Variants in LAMA3 observed in about 807,000 individuals in gnomAD.
LAMA3 encodes laminin subunit alpha 3.
In LAMA3, 281 loss-of-function variants were observed where a neutral mutation model predicts 402.0. The observed-to-expected ratio is 0.70, with a 90% CI of 0.63 to 0.77. The LOEUF (loss-of-function observed/expected upper bound fraction) is 0.77. Among genes scored for constraint, LAMA3 ranks in the 30% least tolerant of loss-of-function variants. LAMA3 has a pLI of 0.00. For missense variants in LAMA3, 3,840 were observed against 4,215.5 expected, an observed-to-expected ratio of 0.91 and a Z score of 2.47; for synonymous variants, 1,431 against 1,558.4, an observed-to-expected ratio of 0.92 and a Z score of 1.93.
At chr18:23,690,430 G>A (rs2060561462) in intron 1 of LAMA3, among the ~76,000 whole-genome samples, 1 of 152,198 alleles carries the variant, frequency 6.6e-6, no homozygotes, top group Non-Finnish European at 1.5e-5. Flanking sequence ...GAATTTTTAG[G>A]TTATAACAGC....
chr18:23,725,635 G>A (rs1211601996), intron 2 of LAMA3, among the ~76,000 whole-genome samples: 2 of 152,158 alleles, frequency 1.3e-5, no homozygotes, highest in South Asian at 2.1e-4. Context: ...GTCCCCAGGC[G>A]GCCTCAGGGC....
At chr18:23,943,156 A>G (rs1384760230) in intron 68 of LAMA3, among the ~76,000 whole-genome samples, 1 of 152,238 alleles carries the variant, frequency 6.6e-6, no homozygotes, top group Non-Finnish European at 1.5e-5. Flanking sequence ...GAGTTTGAAA[A>G]GTACAGGCTT....
rs571262786 is a variant in LAMA3 at position 23,866,158 on chromosome 18, C to T, written c.4683+1275C>T. ...TATGTGCCTGGCACACAATCCAGTG[C>T]GGCAGTCTAGAAAATTCCTTGAGGG... On this transcript the variant is annotated intron_variant, in intron 36 of 74. Transcript: ENST00000313654. Among the ~76,000 whole-genome samples, 16 of 152,290 alleles carry T rather than the reference C, an allele frequency of 1.1e-4. No individual in the cohort carries two copies. The South Asian group carries it at 2.1e-3, about 20-fold the overall frequency.
intron 38 of LAMA3, among the ~76,000 whole-genome samples, chr18:23,872,486 ACGTAGG>A (rs1207713411): frequency 2.6e-5 from 4 of 152,214 alleles, no homozygotes; most frequent in Non-Finnish European, 5.9e-5. Flanking sequence ...ATCCATAAGT[ACGTAGG>A]CTTAGCAAAA....
chr18:23,837,576 T>TATATATATATATATATATATAA (rs2063611468), intron 25 of LAMA3, among the ~76,000 whole-genome samples: 1 of 140,234 alleles, frequency 7.1e-6, no homozygotes. Context: ...ATCAGATATA[T>TATATATATATATATATATATAA]ATATATATAT....
At chr18:23,809,157 A>G (rs2063020151) in intron 12 of LAMA3, among the ~76,000 whole-genome samples, 1 of 152,232 alleles carries the variant, frequency 6.6e-6, no homozygotes, top group Non-Finnish European at 1.5e-5. Context: ...TGTGCGAAGC[A>G]TCGTGCTCAA....
chr18:23,945,049 C>T (rs2082659315), intron 69 of LAMA3, among the ~76,000 whole-genome samples: 3 of 152,178 alleles, frequency 2.0e-5, no homozygotes, highest in Admixed American at 2.0e-4. Context: ...AGGAGAATCG[C>T]TTGAACTCAG....
intron 41 of LAMA3, among the ~76,000 whole-genome samples, chr18:23,887,307 G>A (rs1233958763): frequency 6.6e-6 from 1 of 152,178 alleles, no homozygotes; most frequent in Admixed American, 6.5e-5. Context: ...AGGGAAGGAT[G>A]TGGGGAGTGG....
intron 48 of LAMA3, 73 bp downstream of exon 48, chr18:23,901,396 A>AAG: frequency 2.3e-6 from 3 of 1,304,274 alleles, no homozygotes; most frequent in South Asian, 1.2e-5. Flanking sequence ...ATTATTAATA[A>AAG]AGTGGCATAG....
chr18:23,818,436 G>T (rs1303755059), intron 18 of LAMA3, among the ~76,000 whole-genome samples: 2 of 152,172 alleles, frequency 1.3e-5, no homozygotes, highest in Non-Finnish European at 2.9e-5. Context: ...TGAAATAAAG[G>T]CTAGCAAACC....
intron 37 of LAMA3, among the ~76,000 whole-genome samples, chr18:23,870,534 A>G (rs889723556): frequency 6.6e-6 from 1 of 152,244 alleles, no homozygotes; most frequent in Non-Finnish European, 1.5e-5. Flanking sequence ...ATATTTGCAC[A>G]TTCATGTTCA....
In LAMA3 at chr18:23,751,961, G is replaced by A. The variant is rs1417169817; in HGVS notation, c.855+873G>A. Among the ~76,000 whole-genome samples the A allele has an allele frequency of 3.9e-5, 6 of 152,202 alleles. No individual in the cohort carries two copies. In the South Asian group the frequency reaches 8.3e-4, roughly 21 times the overall value. ...CTGGGCACAGGACAGGGTGGAGAAC[G>A]TGGAGAGCAGATCTGGAGGGTGAAT... is the stretch of plus-strand genomic sequence containing the variant. On this transcript the variant is annotated intron_variant, in intron 5 of 74. Transcript: ENST00000313654.
Position 23,810,506 on chromosome 18 carries a change from AG to A in LAMA3, c.1741+5del. ...TTATGATTTCCCCCACTGCCAAGGT[AG>A]GAAAGTCAGCAGATTGCTAGAGGGC... is the stretch of plus-strand genomic sequence containing the variant. On this transcript the variant is annotated splice_donor_region_variant and intron_variant, in intron 13 of 74. Coordinates refer to ENST00000313654, the MANE Select transcript of LAMA3 (RefSeq NM_198129.4). 1 of 1,613,958 alleles carries A rather than the reference AG, an allele frequency of 6.2e-7. No individual in the cohort carries two copies. Among genetic ancestry groups the A allele is most frequent in the Non-Finnish European group, 8.5e-7 (1 of 1,179,916 alleles).
In LAMA3 at chr18:23,846,361, G is replaced by C; in HGVS notation, c.3784G>C (p.Gly1262Arg). 6.2e-7 allele frequency: 1 copy of C among 1,614,214 alleles called. No individual in the cohort carries two copies. The highest frequency in any genetic ancestry group is 8.5e-7 in the Non-Finnish European group (1 of 1,180,042). ...ARSLVAFYHK[G>R]ALPCECHPTG... Reference sequence around the variant, plus strand: ...GTCCCTGGTGGCCTTTTACCACAAGGGCGCCCTGCCTTGTGAGTGCCACCC... The same window carrying C: ...GTCCCTGGTGGCCTTTTACCACAAGCGCGCCCTGCCTTGTGAGTGCCACCC... The change falls in exon 31 of 75, where the codon GGC becomes CGC. Residue 1262 changes from glycine (G) to arginine (R), a missense_variant. By Grantham distance (125) the Gly-to-Arg change is moderately radical. Around this residue, in one of 3 missense-constraint regions of LAMA3, gnomAD observed 2,109 missense variants for 2,376.0 expected, o/e 0.89. Transcript: ENST00000313654.
intron 9 of LAMA3, among the ~76,000 whole-genome samples, chr18:23,774,607 A>G (rs1223859951): frequency 6.6e-6 from 1 of 152,190 alleles, no homozygotes; most frequent in African/African-American, 2.4e-5. Flanking sequence ...TCAGATTTAC[A>G]GACTTTTCCC....
intron 1 of LAMA3, among the ~76,000 whole-genome samples, chr18:23,690,798 A>G (rs1218566396): frequency 6.9e-6 from 1 of 145,476 alleles, no homozygotes; most frequent in East Asian, 2.0e-4. Context: ...TTTTTTTGAG[A>G]CAGAGTCTCG....
At chr18:23,823,755 T>C (rs1198315335) in intron 20 of LAMA3, among the ~76,000 whole-genome samples, 3 of 152,238 alleles carry the variant, frequency 2.0e-5, no homozygotes, top group East Asian at 1.9e-4. Flanking sequence ...TGAACTTAGA[T>C]GCAATAGTTT....
Position 23,750,235 on chromosome 18 carries a change from A to G in LAMA3, c.685-683A>G, listed in dbSNP as rs540354866. ...AGAGAAGATTTCCATGGAAATTGTG[A>G]GGCCATAATGAATATGAACTGAGTT... is the stretch of plus-strand genomic sequence containing the variant. On this transcript the variant is annotated intron_variant, in intron 4 of 74. Coordinates refer to ENST00000313654, the MANE Select transcript of LAMA3 (RefSeq NM_198129.4). Among the ~76,000 whole-genome samples the G allele has an allele frequency of 3.9e-5, 6 of 152,272 alleles. No homozygotes were observed. In the East Asian group the frequency reaches 9.6e-4, roughly 24 times the overall value.
intron 54 of LAMA3, 136 bp downstream of exon 54, chr18:23,908,071 A>T: frequency 1.2e-6 from 1 of 829,958 alleles, no homozygotes; most frequent in Non-Finnish European, 2.1e-6. Flanking sequence ...CTGATACAGG[A>T]TATATTCAAA....
Sources: allele counts gnomAD v4.1 joint callset (sites outside exome capture counted in the v4.1 genomes callset), GRCh38; gene constraint gnomAD v4.1.1; regional missense constraint gnomAD v4.1.1; transcripts MANE v1.5; gene names NCBI Gene and HGNC (gene_info 2026-07-23, HGNC 2026-07-21).